Variants in FBLN1 observed in about 807,000 individuals in gnomAD.
FBLN1 encodes the protein fibulin-1.
FBLN1 carries 34 observed loss-of-function variants against 89.7 expected under a neutral mutation model. The ratio of observed to expected loss-of-function variants is 0.38; its 90% confidence interval spans 0.29 to 0.50. The LOEUF is 0.50. FBLN1 is among the 20% of genes least tolerant of loss of function. The pLI is 0.92. For synonymous variants in FBLN1, 393 were observed against 391.3 expected, an observed-to-expected ratio of 1.00 and a Z score of -0.05; for missense variants, 777 against 988.1, an observed-to-expected ratio of 0.79 and a Z score of 2.86.
chr22:45,529,302 G>A (rs377389239), intron 4 of FBLN1, among the ~76,000 whole-genome samples: 5 of 152,216 alleles, frequency 3.3e-5, no homozygotes, highest in African/African-American at 1.2e-4. Flanking sequence ...TCAGCAAAGG[G>A]GCATGTGACC....
chr22:45,576,887 A>C lies in FBLN1; in HGVS notation c.1841-90A>C. The C allele has an allele frequency of 6.6e-7, 1 of 1,523,768 alleles. No individual in the cohort carries two copies. Among genetic ancestry groups the C allele is most frequent in the African/African-American group, 1.4e-5 (1 of 73,458 alleles). The allele number at this position is 1,523,768 out of a possible 1,614,324, so 94.4% of individuals were successfully genotyped here. On this transcript the variant is annotated intron_variant, in intron 15 of 16. Coordinates refer to ENST00000327858, the MANE Select transcript of FBLN1 (RefSeq NM_006486.3). The surrounding 1 kb of genome is among the most constrained non-coding windows in gnomAD (Gnocchi z 5.2). ...TGAAAGGGCCCTGGGTTAGGTCTTC[A>C]TTCCCCAAGGGTGAGTTCCTGGGGA... is the stretch of plus-strand genomic sequence containing the variant.
chr22:45,573,692 A>ACAAAC (rs1202021216), intron 14 of FBLN1, among the ~76,000 whole-genome samples: 2 of 149,496 alleles, frequency 1.3e-5, no homozygotes, highest in African/African-American at 4.9e-5. Context: ...AAAAAAAAAA[A>ACAAAC]AAAAAAAAAC....
At chr22:45,543,547 A>C (rs756210058) in intron 11 of FBLN1, 21 bp downstream of exon 11, 1 of 1,610,518 alleles carries the variant, frequency 6.2e-7, no homozygotes, top group Admixed American at 1.7e-5. Context: ...GGCCCCGTCC[A>C]CTCACCTCCC....
Position 45,575,801 on chromosome 22 carries a change from C to G in FBLN1, c.1840+1148C>G, listed in dbSNP as rs1217340821. Among the ~76,000 whole-genome samples the G allele has an allele frequency of 6.6e-6, 1 of 152,212 alleles. No individual in the cohort carries two copies. The highest frequency in any genetic ancestry group is 2.4e-5 in the African/African-American group (1 of 41,448). Reference sequence around the variant, plus strand: ...AGCATTGTCCTGTTCACCTCGCTTCCTGGCTGTGCTGCCCGTGTGCCCGGT... The same window carrying G: ...AGCATTGTCCTGTTCACCTCGCTTCGTGGCTGTGCTGCCCGTGTGCCCGGT... On this transcript the variant is annotated intron_variant, in intron 15 of 16. Transcript: ENST00000327858. The surrounding 1 kb of genome is among the most constrained non-coding windows in gnomAD (Gnocchi z 6.3).
chr22:45,503,683 T>C (rs1197124907), intron 1 of FBLN1, among the ~76,000 whole-genome samples: 1 of 152,100 alleles, frequency 6.6e-6, no homozygotes, highest in African/African-American at 2.4e-5. Flanking sequence ...GGCCACCTCC[T>C]CCCTGCCTCC....
chr22:45,599,347 CCT>C (rs944507911), intron 16 of FBLN1, among the ~76,000 whole-genome samples: 1 of 152,186 alleles, frequency 6.6e-6, no homozygotes, highest in Non-Finnish European at 1.5e-5. Flanking sequence ...CTCTTGCTTC[CCT>C]GTTATCACAA....
At position 45,577,212 on chromosome 22, in the gene FBLN1, C is replaced by G; in HGVS notation, c.1972+104C>G. 7.5e-7 allele frequency: 1 copy of G among 1,337,258 alleles called. No individual in the cohort carries two copies. The highest frequency in any genetic ancestry group is 1.1e-6 in the Non-Finnish European group (1 of 952,354). 82.8% of individuals were successfully genotyped at this position (1,337,258 alleles called of 1,614,324 possible). A position where few individuals can be genotyped will look rare whatever the true frequency, so the allele number is the denominator to read the frequency against. On this transcript the variant is annotated intron_variant, in intron 16 of 16. Coordinates refer to ENST00000327858, the MANE Select transcript of FBLN1 (RefSeq NM_006486.3). This position sits in a 1 kb window ranked among gnomAD's most constrained non-coding sequence, Gnocchi z 6.6. ...CCCATCTGAGTCCCCTCCCCAAATTCAAGCCCACCCAACCTTCAGGGCCCA... is the reference window on the plus strand; with the variant it reads ...CCCATCTGAGTCCCCTCCCCAAATTGAAGCCCACCCAACCTTCAGGGCCCA...
At chr22:45,591,475 ACTGT>A (rs1223940777) in intron 16 of FBLN1, among the ~76,000 whole-genome samples, 2 of 152,056 alleles carry the variant, frequency 1.3e-5, no homozygotes, top group African/African-American at 4.8e-5. Flanking sequence ...TCCCCTCCAA[ACTGT>A]CTGATTTAGC....
chr22:45,565,261 G>A, intron 14 of FBLN1: 1 of 1,363,920 alleles, frequency 7.3e-7, no homozygotes, highest in East Asian at 3.9e-5. Flanking sequence ...TTTCCCAGCA[G>A]ATGAAGCATA....
chr22:45,535,483 T>C (rs1323833205), intron 8 of FBLN1, 146 bp downstream of exon 8: 1 of 867,054 alleles, frequency 1.2e-6, no homozygotes, highest in Non-Finnish European at 1.9e-6. Context: ...GGACAGCAAA[T>C]AGAGCAAATA....
At chr22:45,547,654 C>G (rs1487204318) in intron 12 of FBLN1, among the ~76,000 whole-genome samples, 1 of 152,086 alleles carries the variant, frequency 6.6e-6, no homozygotes, top group Non-Finnish European at 1.5e-5. Context: ...CTTGCTTCAG[C>G]CTCCCAAATT....
At chr22:45,555,290 T>TATATATAA (rs899715449) in intron 14 of FBLN1, among the ~76,000 whole-genome samples, 103 of 143,992 alleles carry the variant, frequency 7.2e-4, no homozygotes, top group African/African-American at 2.4e-3. Context: ...TATATATATA[T>TATATATAA]AAAATGGAAT....
intron 7 of FBLN1, 74 bp downstream of exon 7, chr22:45,533,972 G>A: frequency 1.3e-6 from 2 of 1,597,692 alleles, no homozygotes; most frequent in Non-Finnish European, 1.7e-6. Context: ...GGGCAGCTCT[G>A]GGGTCTGGGC....
Position 45,550,708 on chromosome 22 carries a change from C to A in FBLN1, c.1697+93C>A. ...TGGGTGGGTTATCAGGCTGTGACCT[C>A]GGTGTCCTCCCATGAGGGACTCAGG... On this transcript the variant is annotated intron_variant, in intron 14 of 16. Coordinates refer to ENST00000327858, the MANE Select transcript of FBLN1 (RefSeq NM_006486.3). This position sits in a 1 kb window ranked among gnomAD's most constrained non-coding sequence, Gnocchi z 8.4. 1 of 1,573,936 alleles carries A rather than the reference C, an allele frequency of 6.4e-7. No individual in the cohort carries two copies. Among genetic ancestry groups the A allele is most frequent in the Non-Finnish European group, 8.7e-7 (1 of 1,145,826 alleles).
In FBLN1 at chr22:45,597,849, C is replaced by T. The variant is rs551933104; in HGVS notation, c.1973-2458C>T. On this transcript the variant is annotated intron_variant, in intron 16 of 16. Coordinates refer to ENST00000327858, the MANE Select transcript of FBLN1 (RefSeq NM_006486.3). This position sits in a 1 kb window ranked among gnomAD's most constrained non-coding sequence, Gnocchi z 4.2. ...GGAACAGCCTGAAATTCCACCCCAG[C>T]TGCTGGGCCTTTCACTTTTGAAACA... Among the ~76,000 whole-genome samples the T allele has an allele frequency of 2.7e-4, 41 of 152,308 alleles. No individual in the cohort carries two copies. The highest frequency in any genetic ancestry group is 9.9e-4 in the African/African-American group (41 of 41,576).
rs141549958 is a variant in FBLN1 at position 45,527,975 on chromosome 22, C to T, written c.450C>T (p.Thr150=). 4.4e-4 allele frequency: 706 copies of T among 1,614,224 alleles called. 8 individuals carry two copies. Among genetic ancestry groups the T allele is most frequent in the South Asian group, 3.5e-3 (321 of 91,082 alleles). The change falls in exon 4 of 17, where the codon ACC becomes ACT. Residue 150 remains threonine, a synonymous_variant. Transcript: ENST00000327858. Reference sequence around the variant, plus strand: ...CATGCTGTGTCAAGAGCCAGGAGACCGGAGATTTGGATGTCGGGGGCCTCC... The same window carrying T: ...CATGCTGTGTCAAGAGCCAGGAGACTGGAGATTTGGATGTCGGGGGCCTCC... The part of the protein sequence containing the change: ...FQACCVKSQE[T]GDLDVGGLQE...
intron 1 of FBLN1, among the ~76,000 whole-genome samples, chr22:45,510,637 A>C (rs1218659831): frequency 6.6e-6 from 1 of 152,126 alleles, no homozygotes; most frequent in Non-Finnish European, 1.5e-5. Flanking sequence ...GCAGGCTGAC[A>C]TTCTGGAAGC....
At position 45,543,405 on chromosome 22, in the gene FBLN1, C is replaced by T; in HGVS notation, c.1200C>T (p.Val400=). The part of the protein sequence containing the change: ...FDGISRMCVD[V]NECQRYPGRL... ...CAGCCCACCCCTCACTTTCAGATGTCAACGAGTGCCAGCGCTACCCCGGGC... is the reference window on the plus strand; with the variant it reads ...CAGCCCACCCCTCACTTTCAGATGTTAACGAGTGCCAGCGCTACCCCGGGC... The change falls in exon 11 of 17, where the codon GTC becomes GTT. Residue 400 remains valine (V), a synonymous_variant. Transcript: ENST00000327858. 2 of 1,612,520 alleles carry T rather than the reference C, an allele frequency of 1.2e-6. No homozygotes were observed. The highest frequency in any genetic ancestry group is 1.7e-6 in the Non-Finnish European group (2 of 1,179,982).
intron 16 of FBLN1, among the ~76,000 whole-genome samples, chr22:45,596,738 ATG>A (rs1375962645): frequency 1.4e-5 from 2 of 147,658 alleles, no homozygotes; most frequent in Non-Finnish European, 3.0e-5. Flanking sequence ...TTTAGAGTAA[ATG>A]TAAACATTTT....
Sources: allele counts gnomAD v4.1 joint callset (sites outside exome capture counted in the v4.1 genomes callset), GRCh38; gene constraint gnomAD v4.1.1; non-coding constraint Gnocchi (gnomAD v3.1); transcripts MANE v1.5; gene names NCBI Gene and HGNC (gene_info 2026-07-23, HGNC 2026-07-21).